MMGT1: variants seen among roughly 807,000 people sequenced by gnomAD.
The protein encoded by MMGT1 is ER membrane protein complex subunit 5.
In MMGT1, 2 loss-of-function variants were observed where a neutral mutation model predicts 11.7. That is an observed-to-expected ratio of 0.17 (90% CI 0.07 to 0.54). The LOEUF (loss-of-function observed/expected upper bound fraction) is 0.54, where lower values mean the gene tolerates loss of function less well. MMGT1 is among the 20% of genes least tolerant of loss of function. The probability of loss-of-function intolerance (pLI) is 0.94; values close to 1 mark genes in which losing one functional copy is unlikely to be tolerated. For synonymous variants in MMGT1, 49 were observed against 44.4 expected (o/e 1.10, Z -0.41); for missense variants, 74 against 109.0 (o/e 0.68, Z 1.43).
chrX:135,973,943 G>A lies in MMGT1; in HGVS notation c.-268C>T. 3 of 1,121,960 alleles carry A rather than the reference G, an allele frequency of 2.7e-6. No individual in the cohort carries two copies. Among genetic ancestry groups the A allele is most frequent in the Non-Finnish European group, 3.5e-6 (3 of 847,120 alleles). The allele number at this position is 1,121,960 out of a possible 1,213,427, so 92.5% of individuals were successfully genotyped here. On this transcript the variant is annotated 5_prime_UTR_variant, in exon 1 of 4. Coordinates refer to ENST00000305963, the MANE Select transcript of MMGT1 (RefSeq NM_173470.3). ...TCTAGGAGGGCCGGAGCCCAACGGAGTCATAAACGAAGAGGCGAAAGCGGG... is the reference window on the plus strand; with the variant it reads ...TCTAGGAGGGCCGGAGCCCAACGGAATCATAAACGAAGAGGCGAAAGCGGG...
Position 135,962,580 on chromosome X carries a change from A to G in MMGT1, c.*2444T>C, listed in dbSNP as rs782619311. 1 of 112,454 alleles carries G rather than the reference A, an allele frequency of 8.9e-6. No individual in the cohort carries two copies. The highest frequency in any genetic ancestry group is 9.4e-5 in the Admixed American group (1 of 10,594). The allele number at this position is 112,454 out of a possible 1,213,427, so 9.3% of individuals were successfully genotyped here. On this transcript the variant is annotated 3_prime_UTR_variant, in exon 4 of 4. Transcript: ENST00000305963. ...AAATCACCTTTAAGTCCTATGGTACATACTTGAAAAAGACAGCAGAAACTC... is the reference window on the plus strand; with the variant it reads ...AAATCACCTTTAAGTCCTATGGTACGTACTTGAAAAAGACAGCAGAAACTC...
At chrX:135,968,639 C>G (rs1313287427) in intron 2 of MMGT1, among the ~76,000 whole-genome samples, 6 of 108,628 alleles carry the variant, frequency 5.5e-5, no homozygotes, top group African/African-American at 1.7e-4. Flanking sequence ...TCAAGTGATT[C>G]TCGTGCCTCA....
At position 135,973,762 on chromosome X, in the gene MMGT1, G is replaced by C. The variant is rs2089235886; in HGVS notation, c.-87C>G. On this transcript the variant is annotated 5_prime_UTR_variant, in exon 1 of 4. Coordinates refer to ENST00000305963, the MANE Select transcript of MMGT1 (RefSeq NM_173470.3). ...CACCGGCGGGTGTCCGCGCGCCGCA[G>C]AAAGATGACGTCACTGAAGTCCTGA... 1 of 1,163,717 alleles carries C rather than the reference G, an allele frequency of 8.6e-7. No individual in the cohort carries two copies. Among genetic ancestry groups the C allele is most frequent in the East Asian group, 3.3e-5 (1 of 30,550 alleles).
chrX:135,971,894 G>C (rs2089221706), intron 1 of MMGT1, among the ~76,000 whole-genome samples: 1 of 112,566 alleles, frequency 8.9e-6, no homozygotes, highest in South Asian at 3.6e-4. Context: ...GAAGCCCGCA[G>C]TGATCATAAT....
intron 2 of MMGT1, among the ~76,000 whole-genome samples, chrX:135,967,981 C>T (rs1308973508): frequency 2.7e-5 from 3 of 111,192 alleles, no homozygotes; most frequent in African/African-American, 9.8e-5. Context: ...TTTCAGCCTC[C>T]TGAGTAGATT....
intron 1 of MMGT1, among the ~76,000 whole-genome samples, chrX:135,972,946 A>G (rs1237006086): frequency 8.9e-6 from 1 of 111,755 alleles, no homozygotes; most frequent in Non-Finnish European, 1.9e-5. Context: ...CTACTTCTTG[A>G]TCCACTTGTT....
At position 135,972,919 on chromosome X, in the gene MMGT1, A is replaced by G. The variant is rs782523618; in HGVS notation, c.79+678T>C. ...CCATGCATCCTTATATACTTTTAGC[A>G]TATCACTTTATTGTAACTACTTCTT... On this transcript the variant is annotated intron_variant, in intron 1 of 3. Transcript: ENST00000305963. Among the ~76,000 whole-genome samples the G allele has an allele frequency of 1.3e-4, 14 of 111,848 alleles. No homozygotes were observed. In the East Asian group the frequency reaches 3.6e-3, roughly 29 times the overall value.
At chrX:135,968,132 G>A (rs1376570148) in intron 2 of MMGT1, among the ~76,000 whole-genome samples, 3 of 112,010 alleles carry the variant, frequency 2.7e-5, no homozygotes, top group Non-Finnish European at 1.9e-5. Context: ...GATTACAGGC[G>A]TGAGCCACCA....
At chrX:135,970,238 G>A (rs2089209680) in intron 2 of MMGT1, among the ~76,000 whole-genome samples, 1 of 109,570 alleles carries the variant, frequency 9.1e-6, no homozygotes, top group Non-Finnish European at 1.9e-5. Context: ...GTGGTGGTGG[G>A]CGCCTATAAT....
rs376902805 is a variant in MMGT1 at position 135,970,324 on chromosome X, G to A, written c.132+734C>T. Among the ~76,000 whole-genome samples, 48 of 110,594 alleles carry A rather than the reference G, an allele frequency of 4.3e-4. 7 individuals are homozygous for A. Among genetic ancestry groups the A allele is most frequent in the Admixed American group, 3.7e-3 (38 of 10,388 alleles). On this transcript the variant is annotated intron_variant, in intron 2 of 3. Transcript: ENST00000305963. ...AGAGGTTGCAACGAGCCCAGATCGC[G>A]TCACTGCATTCCAGCCTGGGCAACA...
chrX:135,966,124 T>A (rs1556611926), intron 3 of MMGT1, among the ~76,000 whole-genome samples: 1 of 112,234 alleles, frequency 8.9e-6, no homozygotes, highest in African/African-American at 3.2e-5. Flanking sequence ...AGATATGTAG[T>A]CTAAAAGAGT....
intron 2 of MMGT1, 133 bp downstream of exon 2, chrX:135,970,925 G>T (rs1266396496): frequency 2.2e-6 from 1 of 455,030 alleles, no homozygotes; most frequent in South Asian, 3.4e-5. Context: ...GAAAAGAAAA[G>T]AAAAGAAAAG....
In MMGT1 at chrX:135,965,042, G is replaced by A. The variant is rs1345924625; in HGVS notation, c.378C>T (p.Leu126=). The A allele has an allele frequency of 1.5e-5, 18 of 1,206,253 alleles. No individual in the cohort carries two copies. The highest frequency in any genetic ancestry group is 2.0e-5 in the Non-Finnish European group (18 of 892,841). Residue 126 remains leucine (L), a synonymous_variant, in exon 4 of 4, where the codon CTC becomes CTT. Coordinates refer to ENST00000305963, the MANE Select transcript of MMGT1 (RefSeq NM_173470.3). ...SSNTSLKLRK[L]ESLRR ...AAAAATCTTAACGACGCAGTGATTC[G>A]AGTTTTCGTAACTTCAATGATGTGT...
chrX:135,964,722 AACC>A lies in MMGT1; in HGVS notation c.*299_*301del, dbSNP rs1224343710. On this transcript the variant is annotated 3_prime_UTR_variant, in exon 4 of 4. Coordinates refer to ENST00000305963, the MANE Select transcript of MMGT1 (RefSeq NM_173470.3). The stretch of plus-strand genomic sequence containing the variant: ...ATCTAAAAAAATAAATAATCACAAA[AACC>A]ACCAACATTTTTCAAGGAAATGTGT... 3 of 185,327 alleles carry A rather than the reference AACC, an allele frequency of 1.6e-5. No homozygotes were observed. Among genetic ancestry groups the A allele is most frequent in the East Asian group, 2.1e-4 (2 of 9,728 alleles). 15.3% of individuals were successfully genotyped at this position (185,327 alleles called of 1,213,427 possible). A position where few individuals can be genotyped will look rare whatever the true frequency, so the allele number is the denominator to read the frequency against.
Position 135,965,108 on chromosome X carries a change from C to T in MMGT1, c.312G>A (p.Ser104=), listed in dbSNP as rs782044989. Residue 104 remains serine (S), a synonymous_variant, in exon 4 of 4, where the codon TCG becomes TCA. Transcript: ENST00000305963. The part of the protein sequence containing the change: ...NHRGRVLFRP[S]DTANSSNQDA... The stretch of plus-strand genomic sequence containing the variant: ...CTTGGTTTGAAGAATTTGCTGTATC[C>T]GAAGGCCGGAAAAGTACTCGACCAC... 1.2e-5 allele frequency: 15 copies of T among 1,204,645 alleles called. No individual in the cohort carries two copies. Among genetic ancestry groups the T allele is most frequent in the East Asian group, 1.2e-4 (4 of 33,729 alleles).
chrX:135,972,507 G>A (rs1169245762), intron 1 of MMGT1, among the ~76,000 whole-genome samples: 1 of 112,045 alleles, frequency 8.9e-6, no homozygotes, highest in East Asian at 2.8e-4. Context: ...TAGTTTGCAT[G>A]AAGCCTCGCC....
intron 2 of MMGT1, among the ~76,000 whole-genome samples, chrX:135,967,904 C>G (rs1170160674): frequency 1.8e-5 from 2 of 110,997 alleles, no homozygotes; most frequent in African/African-American, 6.6e-5. Flanking sequence ...GTTATCCAGG[C>G]TGGAGTGCAA....
intron 2 of MMGT1, among the ~76,000 whole-genome samples, chrX:135,969,107 T>C (rs1556612313): frequency 9.5e-6 from 1 of 105,271 alleles, no homozygotes; most frequent in African/African-American, 3.5e-5. Context: ...GTTCAGATTA[T>C]AGAAAAAAGT....
intron 3 of MMGT1, among the ~76,000 whole-genome samples, chrX:135,966,764 A>G (rs1301965240): frequency 1.8e-5 from 2 of 112,157 alleles, no homozygotes; most frequent in African/African-American, 3.2e-5. Flanking sequence ...GGAACTGAAC[A>G]AAGCTAAAGG....
Sources: gnomAD v4.1 joint callset for allele counts (sites outside exome capture counted in the v4.1 genomes callset) on GRCh38, gnomAD v4.1.1 for gene constraint, MANE v1.5 for transcripts, NCBI Gene and HGNC (gene_info 2026-07-23, HGNC 2026-07-21) for gene names.